Variants in LDB2 observed in about 807,000 individuals in gnomAD.
LDB2 encodes LIM domain binding 2.
A neutral mutation model predicts 44.3 loss-of-function variants in LDB2; 12 were observed. The observed-to-expected ratio is 0.27, with a 90% CI of 0.17 to 0.44. The LOEUF (loss-of-function observed/expected upper bound fraction) is 0.44. LDB2 is among the 20% of genes least tolerant of loss of function. LDB2 has a pLI of 1.00. For missense variants in LDB2, 344 were observed against 473.5 expected (o/e 0.73, Z 2.54); for synonymous variants, 164 against 174.8 (o/e 0.94, Z 0.49).
At chr4:16,863,905 C>T (rs1713679573) in intron 1 of LDB2, among the ~76,000 whole-genome samples, 1 of 152,218 alleles carries the variant, frequency 6.6e-6, no homozygotes, top group African/African-American at 2.4e-5. Context: ...CGTGATCCGC[C>T]CGCCTCGGCT....
At chr4:16,573,146 T>G (rs1024771643) in intron 5 of LDB2, among the ~76,000 whole-genome samples, 4 of 152,160 alleles carry the variant, frequency 2.6e-5, no homozygotes, top group African/African-American at 9.7e-5. Flanking sequence ...ATTGATGGAT[T>G]TGTATGTGTA....
chr4:16,702,871 G>C (rs1753778036), intron 2 of LDB2, among the ~76,000 whole-genome samples: 1 of 152,148 alleles, frequency 6.6e-6, no homozygotes, highest in African/African-American at 2.4e-5. Context: ...ATATTGAATT[G>C]CTTATAGCCC....
At chr4:16,528,619 C>A (rs751123459) in intron 5 of LDB2, among the ~76,000 whole-genome samples, 2 of 152,216 alleles carry the variant, frequency 1.3e-5, no homozygotes, top group African/African-American at 4.8e-5. Flanking sequence ...GAGGCGCACA[C>A]AAGCTGGGAG....
Position 16,625,008 on chromosome 4 carries a change from C to G in LDB2, c.236-29133G>C, listed in dbSNP as rs11931276. 9.9e-3 allele frequency among the ~76,000 whole-genome samples: 1,507 copies of G among 152,258 alleles called. 27 individuals are homozygous for G. The highest frequency in any genetic ancestry group is 0.035 in the African/African-American group (1,448 of 41,548). Reference sequence around the variant, plus strand: ...TCTCATCTTTGAAACCTTTCAATGGCTCCCCATTGTGCTCAAGATGAGGTC... The same window carrying G: ...TCTCATCTTTGAAACCTTTCAATGGGTCCCCATTGTGCTCAAGATGAGGTC... On this transcript the variant is annotated intron_variant, in intron 2 of 7. Coordinates refer to ENST00000304523, the MANE Select transcript of LDB2 (RefSeq NM_001290.5).
chr4:16,712,606 G>GA (rs1014062869), intron 2 of LDB2, among the ~76,000 whole-genome samples: 23 of 152,058 alleles, frequency 1.5e-4, no homozygotes, highest in African/African-American at 5.1e-4. Context: ...AAAAGCACCT[G>GA]AAAAAATGCT....
chr4:16,667,734 A>G (rs1743681132), intron 2 of LDB2, among the ~76,000 whole-genome samples: 1 of 152,208 alleles, frequency 6.6e-6, no homozygotes, highest in African/African-American at 2.4e-5. Context: ...GCCTGGAGAA[A>G]AGGATTGCTG....
intron 1 of LDB2, among the ~76,000 whole-genome samples, chr4:16,862,453 G>A (rs1712968002): frequency 6.6e-6 from 1 of 151,656 alleles, no homozygotes. Flanking sequence ...GACCAACATG[G>A]AGAAACCCTG....
chr4:16,594,760 T>A (rs1053015961), intron 3 of LDB2, among the ~76,000 whole-genome samples: 3 of 152,226 alleles, frequency 2.0e-5, no homozygotes, highest in Non-Finnish European at 2.9e-5. Context: ...TGATTCAACC[T>A]CTCCTAAGTA....
chr4:16,683,569 G>C (rs191037718), intron 2 of LDB2, among the ~76,000 whole-genome samples: 32 of 152,310 alleles, frequency 2.1e-4, no homozygotes. Flanking sequence ...AAGAACACAG[G>C]AGTAAAACTG....
intron 2 of LDB2, among the ~76,000 whole-genome samples, chr4:16,628,807 C>A (rs915515005): frequency 6.6e-5 from 10 of 152,192 alleles, no homozygotes; most frequent in African/African-American, 2.2e-4. Flanking sequence ...GGTGTCACCT[C>A]ACCCAGGAAG....
At chr4:16,718,646 C>A (rs1579041597) in intron 2 of LDB2, among the ~76,000 whole-genome samples, 1 of 152,224 alleles carries the variant, frequency 6.6e-6, no homozygotes, top group East Asian at 1.9e-4. Flanking sequence ...TCATGGTCAA[C>A]AATTTGAGAA....
intron 2 of LDB2, among the ~76,000 whole-genome samples, chr4:16,730,003 G>A (rs767733314): frequency 6.6e-6 from 1 of 152,064 alleles, no homozygotes; most frequent in African/African-American, 2.4e-5. Flanking sequence ...TTTTTCCCTA[G>A]GAAACACATT....
At chr4:16,576,079 G>T (rs1748178712) in intron 5 of LDB2, among the ~76,000 whole-genome samples, 1 of 152,044 alleles carries the variant, frequency 6.6e-6, no homozygotes, top group Non-Finnish European at 1.5e-5. Context: ...CAAAACCTAT[G>T]GATACAACAA....
At position 16,504,487 on chromosome 4, in the gene LDB2, G is replaced by A. The variant is rs551547032; in HGVS notation, c.892-1614C>T. Among the ~76,000 whole-genome samples the A allele has an allele frequency of 3.3e-5, 5 of 152,272 alleles. No individual in the cohort carries two copies. In the East Asian group the frequency reaches 9.6e-4, roughly 29 times the overall value. On this transcript the variant is annotated intron_variant, in intron 7 of 7. Coordinates refer to ENST00000304523, the MANE Select transcript of LDB2 (RefSeq NM_001290.5). Reference sequence around the variant, plus strand: ...AAGTAAGTGCCTAAAATGTGAGCTTGGTAAACCCAGCAATAAAAATGCCAG... The same window carrying A: ...AAGTAAGTGCCTAAAATGTGAGCTTAGTAAACCCAGCAATAAAAATGCCAG...
At chr4:16,817,965 A>G (rs887467657) in intron 1 of LDB2, among the ~76,000 whole-genome samples, 1 of 152,230 alleles carries the variant, frequency 6.6e-6, no homozygotes, top group African/African-American at 2.4e-5. Flanking sequence ...CAACAATTAT[A>G]TTCCTAAATT....
At chr4:16,725,061 C>A (rs1255077109) in intron 2 of LDB2, among the ~76,000 whole-genome samples, 1 of 152,122 alleles carries the variant, frequency 6.6e-6, no homozygotes, top group Non-Finnish European at 1.5e-5. Context: ...AAGGACTTAT[C>A]CACTTCTCTC....
At chr4:16,807,487 G>T (rs1779004908) in intron 1 of LDB2, among the ~76,000 whole-genome samples, 1 of 152,172 alleles carries the variant, frequency 6.6e-6, no homozygotes, top group Admixed American at 6.5e-5. Context: ...TTCTTCCCTT[G>T]TTTTACATGT....
intron 2 of LDB2, among the ~76,000 whole-genome samples, chr4:16,729,859 A>G (rs1469637305): frequency 1.3e-5 from 2 of 152,158 alleles, no homozygotes; most frequent in African/African-American, 4.8e-5. Context: ...GGGGTTTTCT[A>G]AAATAACGAC....
chr4:16,656,044 C>T (rs1270933245), intron 2 of LDB2, among the ~76,000 whole-genome samples: 1 of 151,728 alleles, frequency 6.6e-6, no homozygotes, highest in Admixed American at 6.6e-5. Flanking sequence ...GGACTACAGG[C>T]GCCTGCCACC....
Sources: gnomAD v4.1 joint callset for allele counts (sites outside exome capture counted in the v4.1 genomes callset) on GRCh38, gnomAD v4.1.1 for gene constraint, MANE v1.5 for transcripts, NCBI Gene and HGNC (gene_info 2026-07-23, HGNC 2026-07-21) for gene names.